Variants in CLVS2 observed in about 807,000 individuals in gnomAD.
CLVS2 encodes the protein clavesin-2.
A neutral mutation model predicts 29.0 loss-of-function variants in CLVS2; 19 were observed. The ratio of observed to expected loss-of-function variants is 0.66; its 90% CI spans 0.46 to 0.96. CLVS2 has a LOEUF of 0.96. CLVS2 is among the 40% of genes least tolerant of loss of function. The pLI is 0.00. For synonymous variants in CLVS2, 161 were observed against 151.3 expected, an observed-to-expected ratio of 1.06 and a Z score of -0.47; for missense variants, 294 against 404.1, an observed-to-expected ratio of 0.73 and a Z score of 2.34.
chr6:123,050,692 G>A (rs559668471), intron 4 of CLVS2, among the ~76,000 whole-genome samples: 27 of 152,260 alleles, frequency 1.8e-4, no homozygotes, highest in Admixed American at 3.9e-4. Context: ...GGACTGCTTT[G>A]TACCAGATCG....
intron 3 of CLVS2, among the ~76,000 whole-genome samples, chr6:123,030,581 G>A (rs1031573061): frequency 5.3e-5 from 8 of 152,008 alleles, no homozygotes; most frequent in African/African-American, 1.9e-4. Flanking sequence ...TCTTTCCATA[G>A]CTCCAAACTG....
At chr6:123,028,230 T>G (rs1460600698) in intron 3 of CLVS2, among the ~76,000 whole-genome samples, 3 of 82,424 alleles carry the variant, frequency 3.6e-5, no homozygotes, top group Non-Finnish European at 6.8e-5. Context: ...CTGTTGGCTA[T>G]GCTATACAGA....
chr6:123,049,803 A>AT lies in CLVS2; in HGVS notation c.675+1072dup, dbSNP rs1772575729. Among the ~76,000 whole-genome samples, 6 of 60,234 alleles carry AT rather than the reference A, an allele frequency of 1.0e-4. 1 individual carries two copies. The South Asian group carries it at 4.0e-3, about 41-fold the overall frequency. The allele number at this position is 60,234 out of a possible 152,430, so 39.5% of individuals were successfully genotyped here. A position where few individuals can be genotyped will look rare whatever the true frequency, so the allele number is the denominator to read the frequency against. The stretch of plus-strand genomic sequence containing the variant: ...ATCACACACCGGGGCCTGTTGTGGG[A>AT]TGGGGGGCGGGGAGGAATAGCATTA... On this transcript the variant is annotated intron_variant, in intron 4 of 5. Transcript: ENST00000275162.
chr6:123,032,441 G>A (rs904416151), intron 3 of CLVS2, among the ~76,000 whole-genome samples: 2 of 151,866 alleles, frequency 1.3e-5, no homozygotes, highest in Non-Finnish European at 1.5e-5. Context: ...GTAAAATATC[G>A]AGTAAAAAAT....
rs1772843429 is a variant in CLVS2 at position 123,065,679 on chromosome 6, T to C, written c.*1918T>C. The C allele has an allele frequency of 6.6e-6, 1 of 151,786 alleles. No homozygotes were observed. Among genetic ancestry groups the C allele is most frequent in the Admixed American group, 6.6e-5 (1 of 15,186 alleles). 9.4% of individuals were successfully genotyped at this position (151,786 alleles called of 1,614,324 possible). ...ACATTCTTGCCTACCTGACATACAT[T>C]TTGTAGCCATGGGCTTTTTAGACTA... On this transcript the variant is annotated 3_prime_UTR_variant, in exon 6 of 6. Coordinates refer to ENST00000275162, the MANE Select transcript of CLVS2 (RefSeq NM_001010852.4).
At chr6:123,044,082 A>G (rs1032674880) in intron 3 of CLVS2, among the ~76,000 whole-genome samples, 3 of 152,210 alleles carry the variant, frequency 2.0e-5, no homozygotes, top group African/African-American at 4.8e-5. Context: ...GCTTTGCTCA[A>G]AGAAAAACAA....
At chr6:123,047,525 C>T (rs1183551848) in intron 3 of CLVS2, among the ~76,000 whole-genome samples, 1 of 152,184 alleles carries the variant, frequency 6.6e-6, no homozygotes, top group East Asian at 1.9e-4. Flanking sequence ...GATTAATTCA[C>T]TACTGCTCGT....
At chr6:123,034,672 T>C (rs143290241) in intron 3 of CLVS2, among the ~76,000 whole-genome samples, 352 of 152,224 alleles carry the variant, frequency 2.3e-3, no homozygotes, top group African/African-American at 8.1e-3. Context: ...CAAAGCTACA[T>C]AGATAATAAA....
intron 3 of CLVS2, among the ~76,000 whole-genome samples, chr6:123,045,142 GACACACACACAC>G (rs112529316): frequency 1.9e-3 from 283 of 147,054 alleles, no homozygotes; most frequent in African/African-American, 6.3e-3. Flanking sequence ...CCTCTTTTGG[GACACACACACAC>G]ACACACACAC....
rs1772847821 is a variant in CLVS2 at position 123,065,932 on chromosome 6, CCTAT to C, written c.*2175_*2178del. 6.6e-6 allele frequency: 1 copy of C among 151,616 alleles called. No individual in the cohort carries two copies. The highest frequency in any genetic ancestry group is 1.5e-5 in the Non-Finnish European group (1 of 67,726). 9.4% of individuals were successfully genotyped at this position (151,616 alleles called of 1,614,324 possible). ...TAGAAAGGCATATTTTATATGTATG[CCTAT>C]CTAATTATAAGTATCATTCACACTG... On this transcript the variant is annotated 3_prime_UTR_variant, in exon 6 of 6. Transcript: ENST00000275162.
chr6:123,034,189 C>T (rs1775119684), intron 3 of CLVS2, among the ~76,000 whole-genome samples: 1 of 152,076 alleles, frequency 6.6e-6, no homozygotes, highest in South Asian at 2.1e-4. Flanking sequence ...CCATATGATT[C>T]AGCAATTGCA....
rs542873748 is a variant in CLVS2, at chr6:123,001,809, A to G, written c.389+3643A>G. 2.0e-5 allele frequency among the ~76,000 whole-genome samples: 3 copies of G among 152,300 alleles called. No homozygotes were observed. The East Asian group carries it at 5.8e-4, about 29-fold the overall frequency. ...AAAAGGAAGCTTGGAAAGAAAGTAC[A>G]TGGCATTCTAGGTCCTAGAGCATGC... On this transcript the variant is annotated intron_variant, in intron 2 of 5. Coordinates refer to ENST00000275162, the MANE Select transcript of CLVS2 (RefSeq NM_001010852.4).
intron 3 of CLVS2, among the ~76,000 whole-genome samples, chr6:123,018,729 A>G (rs1321462132): frequency 1.3e-5 from 2 of 150,756 alleles, no homozygotes; most frequent in African/African-American, 4.9e-5. Context: ...CATTTGGAGA[A>G]GCCACAGTAA....
rs767849267 is a variant in CLVS2 at position 123,070,074 on chromosome 6, G to GT, written c.*6317dup. 2.6e-5 allele frequency: 4 copies of GT among 151,842 alleles called. No individual in the cohort carries two copies. The highest frequency in any genetic ancestry group is 5.9e-5 in the Non-Finnish European group (4 of 67,880). The allele number at this position is 151,842 out of a possible 1,614,324, so 9.4% of individuals were successfully genotyped here. ...AAGTTTTATGAAATATAATTATTAA[G>GT]TTTTAGTGCTAGAAAAATTGTTGTT... On this transcript the variant is annotated 3_prime_UTR_variant, in exon 6 of 6. Coordinates refer to ENST00000275162, the MANE Select transcript of CLVS2 (RefSeq NM_001010852.4).
rs1772945254 is a variant in CLVS2 at position 123,071,342 on chromosome 6, CA to C, written c.*7586del. The C allele has an allele frequency of 6.6e-6, 1 of 151,928 alleles. No homozygotes were observed. The highest frequency in any genetic ancestry group is 2.4e-5 in the African/African-American group (1 of 41,428). The allele number at this position is 151,928 out of a possible 1,614,324, so 9.4% of individuals were successfully genotyped here. On this transcript the variant is annotated 3_prime_UTR_variant, in exon 6 of 6. Transcript: ENST00000275162. ...CTCTCATGATAATAGAATCATGAAT[CA>C]AAAATGATATCCTCTTCTCCCCAAT...
intron 3 of CLVS2, among the ~76,000 whole-genome samples, chr6:123,044,865 T>C (rs1054109023): frequency 1.3e-5 from 2 of 152,168 alleles, no homozygotes; most frequent in African/African-American, 4.8e-5. Flanking sequence ...AAGCTTAACT[T>C]TTCCCTTTGG....
intron 3 of CLVS2, among the ~76,000 whole-genome samples, chr6:123,040,289 C>G (rs1775209701): frequency 6.6e-6 from 1 of 152,134 alleles, no homozygotes; most frequent in Admixed American, 6.5e-5. Flanking sequence ...TTCCTCTGCT[C>G]TATTTGGTAA....
At chr6:123,029,083 G>T (rs1453646653) in intron 3 of CLVS2, among the ~76,000 whole-genome samples, 1 of 152,156 alleles carries the variant, frequency 6.6e-6, no homozygotes, top group Non-Finnish European at 1.5e-5. Flanking sequence ...ACCCTCACCA[G>T]AACCTGGCCA....
At chr6:123,043,125 A>G (rs976669616) in intron 3 of CLVS2, among the ~76,000 whole-genome samples, 1 of 152,174 alleles carries the variant, frequency 6.6e-6, no homozygotes, top group South Asian at 2.1e-4. Context: ...TACACCTCTG[A>G]GCCATTACCA....
Sources: gnomAD v4.1 joint callset for allele counts (sites outside exome capture counted in the v4.1 genomes callset) on GRCh38, gnomAD v4.1.1 for gene constraint, MANE v1.5 for transcripts, NCBI Gene and HGNC (gene_info 2026-07-23, HGNC 2026-07-21) for gene names.